The following MYO16 variants were observed in gnomAD, a reference collection of about 807,000 sequenced individuals.
The protein encoded by MYO16 is myosin XVI, also known as unconventional myosin-XVI.
MYO16 carries 94 observed loss-of-function variants against 205.3 expected under a neutral mutation model. The ratio of observed to expected loss-of-function variants is 0.46; its 90% CI spans 0.39 to 0.54. The LOEUF (loss-of-function observed/expected upper bound fraction) is 0.54. MYO16 is among the 20% of genes least tolerant of loss of function. MYO16 has a pLI of 0.00. For missense variants in MYO16, 2,315 were observed against 2,387.5 expected (o/e 0.97, Z 0.63); for synonymous variants, 988 against 954.0 (o/e 1.04, Z -0.66).
At chr13:109,017,322 G>A (rs538413815) in intron 22 of MYO16, among the ~76,000 whole-genome samples, 18 of 152,248 alleles carry the variant, frequency 1.2e-4, no homozygotes, top group Middle Eastern at 3.4e-3. Context: ...TACGGTTTCT[G>A]CCGAGAGATC....
chr13:108,548,949 A>G, the MYO16 span, among the ~76,000 whole-genome samples: 11 of 152,296 alleles, frequency 7.2e-5, no homozygotes, highest in East Asian at 1.9e-4. Flanking sequence ...AGATATATCT[A>G]TATCTAATGG....
At chr13:109,137,642 C>T (rs879664910) in intron 31 of MYO16, among the ~76,000 whole-genome samples, 2 of 152,192 alleles carry the variant, frequency 1.3e-5, no homozygotes, top group African/African-American at 2.4e-5. Flanking sequence ...GAAAGATGTC[C>T]ATTGAGTTCA....
intron 33 of MYO16, among the ~76,000 whole-genome samples, chr13:109,165,385 A>G (rs556716229): frequency 6.6e-6 from 1 of 152,346 alleles, no homozygotes; most frequent in African/African-American, 2.4e-5. Flanking sequence ...TATTCTGGAA[A>G]CTAAGAAATG....
At chr13:109,022,249 A>G (rs1222697532) in intron 23 of MYO16, among the ~76,000 whole-genome samples, 1 of 132,536 alleles carries the variant, frequency 7.5e-6, no homozygotes, top group African/African-American at 3.0e-5. Context: ...ATATTTATAT[A>G]TACAAATATA....
chr13:108,727,373 G>A (rs1230854209), intron 3 of MYO16, 67 bp from the exon 4 acceptor site: 14 of 1,495,402 alleles, frequency 9.4e-6, no homozygotes, highest in Non-Finnish European at 1.2e-5. Flanking sequence ...TTAAATCTGT[G>A]GACATTTGGA....
chr13:108,911,667 G>T (rs1412231553), intron 16 of MYO16, among the ~76,000 whole-genome samples: 1 of 152,220 alleles, frequency 6.6e-6, no homozygotes, highest in Non-Finnish European at 1.5e-5. Flanking sequence ...GTATGCAAGA[G>T]AATTGGTTTT....
chr13:108,732,800 T>C (rs534282861), intron 4 of MYO16, among the ~76,000 whole-genome samples: 1 of 152,298 alleles, frequency 6.6e-6, no homozygotes, highest in South Asian at 2.1e-4. Context: ...TTGTCCAGAC[T>C]AGAAGTGGTG....
At chr13:108,966,976 G>C (rs1388000979) in intron 20 of MYO16, among the ~76,000 whole-genome samples, 1 of 151,830 alleles carries the variant, frequency 6.6e-6, no homozygotes, top group Non-Finnish European at 1.5e-5. Context: ...ATATCCTTAT[G>C]GTCAAAGTTG....
chr13:108,569,849 C>T, the MYO16 span, among the ~76,000 whole-genome samples: 6 of 152,114 alleles, frequency 3.9e-5, no homozygotes, highest in Non-Finnish European at 8.8e-5. Context: ...TTAACATGCG[C>T]TATTATTGTC....
upstream of MYO16, among the ~76,000 whole-genome samples, chr13:108,627,306 TAC>T (rs1879780751): frequency 6.6e-6 from 1 of 152,146 alleles, no homozygotes; most frequent in Admixed American, 6.6e-5. Context: ...TATATGTAGA[TAC>T]AGTTTATACA....
intron 2 of MYO16, among the ~76,000 whole-genome samples, chr13:108,685,211 TG>T (rs1480565601): frequency 6.6e-6 from 1 of 151,928 alleles, no homozygotes; most frequent in African/African-American, 2.4e-5. Context: ...TTAGTAGAGA[TG>T]GGGTTTCACC....
chr13:108,586,317 G>A, the MYO16 span, among the ~76,000 whole-genome samples: 2 of 152,044 alleles, frequency 1.3e-5, no homozygotes, highest in African/African-American at 2.4e-5. Context: ...TCACCTTTAT[G>A]TATGAAATAT....
chr13:109,076,515 T>C (rs1888108741), intron 27 of MYO16, among the ~76,000 whole-genome samples: 1 of 152,150 alleles, frequency 6.6e-6, no homozygotes, highest in African/African-American at 2.4e-5. Flanking sequence ...AGCCTCTACT[T>C]CAGGCTCAAG....
At chr13:108,884,187 G>A (rs1299792833) in intron 13 of MYO16, among the ~76,000 whole-genome samples, 1 of 152,206 alleles carries the variant, frequency 6.6e-6, no homozygotes, top group African/African-American at 2.4e-5. Context: ...TATAAAGTTA[G>A]AACCTGGATA....
intron 16 of MYO16, among the ~76,000 whole-genome samples, chr13:108,925,488 G>A (rs1169255521): frequency 6.6e-6 from 1 of 151,204 alleles, no homozygotes; most frequent in African/African-American, 2.4e-5. Flanking sequence ...TAATTAAATA[G>A]TGGTAGTATA....
At chr13:108,570,473 C>T in the MYO16 span, among the ~76,000 whole-genome samples, 1 of 152,274 alleles carries the variant, frequency 6.6e-6, no homozygotes, top group South Asian at 2.1e-4. Flanking sequence ...TGATCTAAAA[C>T]TCCTGACCTC....
chr13:109,199,191 GGTA>G (rs1566560075), intron 34 of MYO16, among the ~76,000 whole-genome samples: 1 of 51,896 alleles, frequency 1.9e-5, no homozygotes, highest in African/African-American at 7.8e-5. Context: ...TAATAAAAAA[GGTA>G]TATATATATA....
chr13:108,549,750 TATAA>T, the MYO16 span, among the ~76,000 whole-genome samples: 1 of 152,046 alleles, frequency 6.6e-6, no homozygotes, highest in African/African-American at 2.4e-5. Context: ...ATGGTAATAA[TATAA>T]ATAATGAGAA....
At chr13:108,932,028 A>G (rs886178995) in intron 16 of MYO16, among the ~76,000 whole-genome samples, 1 of 151,902 alleles carries the variant, frequency 6.6e-6, no homozygotes, top group African/African-American at 2.4e-5. Context: ...TCTGTGCTTC[A>G]TTCCGGATAA....
Sources: allele counts gnomAD v4.1 joint callset (sites outside exome capture counted in the v4.1 genomes callset), GRCh38; gene constraint gnomAD v4.1.1; transcripts MANE v1.5; gene names NCBI Gene and HGNC (gene_info 2026-07-23, HGNC 2026-07-21).